The following PTPRN2 variants were observed in gnomAD, a reference collection of about 807,000 sequenced individuals.
PTPRN2 encodes protein tyrosine phosphatase receptor type N2.
PTPRN2 carries 74 observed loss-of-function variants against 118.8 expected under a neutral mutation model. The observed-to-expected ratio is 0.62, with a 90% CI of 0.52 to 0.76. PTPRN2 has a LOEUF of 0.76. Among genes scored for constraint, PTPRN2 ranks in the 30% least tolerant of loss-of-function variants. PTPRN2 has a pLI of 0.00. For synonymous variants in PTPRN2, 641 were observed against 608.0 expected, an observed-to-expected ratio of 1.05 and a Z score of -0.80; for missense variants, 1,481 against 1,394.4, an observed-to-expected ratio of 1.06 and a Z score of -0.99.
At chr7:158,507,504 C>A (rs1822842971) in intron 1 of PTPRN2, among the ~76,000 whole-genome samples, 1 of 151,008 alleles carries the variant, frequency 6.6e-6, no homozygotes, top group South Asian at 2.1e-4. Flanking sequence ...AGGGGACAGC[C>A]CTGCGCTGGG....
intron 6 of PTPRN2, among the ~76,000 whole-genome samples, chr7:158,155,138 G>A (rs952807397): frequency 3.3e-5 from 5 of 152,200 alleles, no homozygotes; most frequent in African/African-American, 1.2e-4. Flanking sequence ...TACACAAAAT[G>A]TCAGGATATT....
chr7:158,567,445 G>C (rs1047100845), intron 1 of PTPRN2, among the ~76,000 whole-genome samples: 5 of 152,136 alleles, frequency 3.3e-5, no homozygotes, highest in African/African-American at 7.2e-5. Context: ...TTTTAGGAAG[G>C]CTTTTCATTA....
intron 12 of PTPRN2, among the ~76,000 whole-genome samples, chr7:157,708,953 A>G (rs1563023145): frequency 6.6e-6 from 1 of 152,148 alleles, no homozygotes; most frequent in Non-Finnish European, 1.5e-5. Context: ...CACCCCACCG[A>G]CTTTGAAAAG....
chr7:157,847,184 C>T, intron 12 of PTPRN2, among the ~76,000 whole-genome samples: 1 of 138,166 alleles, frequency 7.2e-6, no homozygotes, highest in Non-Finnish European at 1.6e-5. Context: ...TCTCTCACTC[C>T]ATCACGTGTG....
intron 2 of PTPRN2, among the ~76,000 whole-genome samples, chr7:158,331,296 C>T (rs1804385222): frequency 6.8e-6 from 1 of 147,144 alleles, no homozygotes; most frequent in African/African-American, 2.5e-5. Context: ...GTCACTCACA[C>T]CCACACTCTC....
intron 5 of PTPRN2, among the ~76,000 whole-genome samples, chr7:158,184,744 A>G (rs1300866811): frequency 6.6e-6 from 1 of 152,162 alleles, no homozygotes; most frequent in Non-Finnish European, 1.5e-5. Context: ...CCCAGGAGGC[A>G]GAGGGTTGCA....
intron 6 of PTPRN2, among the ~76,000 whole-genome samples, chr7:158,146,565 C>T (rs1563508697): frequency 6.6e-6 from 1 of 151,442 alleles, no homozygotes; most frequent in Non-Finnish European, 1.5e-5. Context: ...ACTAAAAATA[C>T]AAAAAATTAG....
chr7:158,131,096 C>T (rs1036995441), intron 9 of PTPRN2, among the ~76,000 whole-genome samples: 2 of 151,158 alleles, frequency 1.3e-5, no homozygotes, highest in Non-Finnish European at 2.9e-5. Context: ...CGCACATACA[C>T]AGATACACAT....
At chr7:158,079,671 A>C in intron 11 of PTPRN2, among the ~76,000 whole-genome samples, 1 of 152,212 alleles carries the variant, frequency 6.6e-6, no homozygotes, top group South Asian at 2.1e-4. Flanking sequence ...TTTGGTCTTA[A>C]ATATCTCCAA....
At chr7:157,935,708 A>T (rs1397782075) in intron 11 of PTPRN2, among the ~76,000 whole-genome samples, 1 of 152,178 alleles carries the variant, frequency 6.6e-6, no homozygotes, top group Non-Finnish European at 1.5e-5. Flanking sequence ...CGGGTACATC[A>T]CAGGAACCTG....
chr7:158,370,983 T>C (rs1173949752), intron 2 of PTPRN2, among the ~76,000 whole-genome samples: 1 of 152,182 alleles, frequency 6.6e-6, no homozygotes, highest in Admixed American at 6.5e-5. Context: ...TGAAAGAGTT[T>C]TGGTAGAGCA....
intron 8 of PTPRN2, among the ~76,000 whole-genome samples, chr7:158,135,855 C>G (rs1023966508): frequency 2.0e-5 from 3 of 152,214 alleles, no homozygotes; most frequent in Admixed American, 6.5e-5. Flanking sequence ...ACCAAAGACT[C>G]TTCTTTCTCC....
At chr7:158,329,767 C>T (rs1250335358) in intron 2 of PTPRN2, among the ~76,000 whole-genome samples, 1 of 152,110 alleles carries the variant, frequency 6.6e-6, no homozygotes, top group Admixed American at 6.6e-5. Context: ...TCAGAGTTGG[C>T]CTGGGAGTCG....
At chr7:158,396,121 G>A (rs12669482) in intron 2 of PTPRN2, among the ~76,000 whole-genome samples, 64,559 of 151,900 alleles carry the variant, frequency 0.43, 14,778 homozygotes, top group East Asian at 0.75. Context: ...CGAAGGCCGG[G>A]ACACGCACAG....
chr7:158,113,516 C>T (rs1371121989), intron 9 of PTPRN2, among the ~76,000 whole-genome samples: 1 of 152,122 alleles, frequency 6.6e-6, no homozygotes, highest in African/African-American at 2.4e-5. Flanking sequence ...GGCACCAGGG[C>T]TGGAGACCCC....
chr7:158,131,632 C>T (rs769612855), intron 9 of PTPRN2, among the ~76,000 whole-genome samples: 1 of 151,908 alleles, frequency 6.6e-6, no homozygotes, highest in Non-Finnish European at 1.5e-5. Context: ...CCGACATACA[C>T]ACTCATACAC....
At position 157,596,431 on chromosome 7, in the gene PTPRN2, T is replaced by C. The variant is rs548449761; in HGVS notation, c.2419-1116A>G. Among the ~76,000 whole-genome samples the C allele has an allele frequency of 6.6e-6, 1 of 152,148 alleles. No individual in the cohort carries two copies. The highest frequency in any genetic ancestry group is 2.4e-5 in the African/African-American group (1 of 41,436). On this transcript the variant is annotated intron_variant, in intron 16 of 22. Coordinates refer to ENST00000389418, the MANE Select transcript of PTPRN2 (RefSeq NM_002847.5). This position sits in a 1 kb window ranked among gnomAD's most constrained non-coding sequence, Gnocchi z 4.2. ...TCCGAACGCATCTTGCTAGCTCCAA[T>C]GGGAGAAGGTTGGCTTAGAAGACCA...
intron 2 of PTPRN2, among the ~76,000 whole-genome samples, chr7:158,359,303 A>G (rs918564006): frequency 6.6e-6 from 1 of 152,240 alleles, no homozygotes; most frequent in Non-Finnish European, 1.5e-5. Flanking sequence ...GACCTCAAGC[A>G]CGAAATGAAT....
chr7:158,146,813 A>C (rs1353852664), intron 6 of PTPRN2, among the ~76,000 whole-genome samples: 1 of 152,052 alleles, frequency 6.6e-6, no homozygotes, highest in Non-Finnish European at 1.5e-5. Flanking sequence ...ACCAGCACAG[A>C]CACACTAAAA....
Sources: gnomAD v4.1 joint callset for allele counts (sites outside exome capture counted in the v4.1 genomes callset) on GRCh38, gnomAD v4.1.1 for gene constraint, Gnocchi (gnomAD v3.1) non-coding constraint, MANE v1.5 for transcripts, NCBI Gene and HGNC (gene_info 2026-07-23, HGNC 2026-07-21) for gene names.